The following MITF variants were observed in gnomAD, a reference collection of about 807,000 sequenced individuals.
The protein encoded by MITF is microphthalmia-associated transcription factor.
In MITF, 17 loss-of-function variants were observed where a neutral mutation model predicts 60.5. The ratio of observed to expected loss-of-function variants is 0.28; its 90% CI spans 0.19 to 0.42. The LOEUF (loss-of-function observed/expected upper bound fraction) is 0.42, where lower values mean the gene tolerates loss of function less well. Among genes scored for constraint, MITF ranks in the 10% least tolerant of loss-of-function variants. MITF has a pLI of 1.00. For missense variants in MITF, 622 were observed against 683.5 expected (o/e 0.91, Z 1.00); for synonymous variants, 260 against 248.5 (o/e 1.05, Z -0.43).
At position 69,826,729 on chromosome 3, in the gene MITF, C is replaced by G. The variant is rs544819376; in HGVS notation, c.105-52405C>G. 5.9e-5 allele frequency among the ~76,000 whole-genome samples: 9 copies of G among 152,300 alleles called. No individual in the cohort carries two copies. In the East Asian group the frequency reaches 1.7e-3, roughly 29 times the overall value. On this transcript the variant is annotated intron_variant, in intron 1 of 9. Coordinates refer to ENST00000352241, the MANE Select transcript of MITF (RefSeq NM_001354604.2). ...AAATAATGGAATAAAATGATGGATA[C>G]TGTGCACAGTGCTTGACACATAAGT...
intron 2 of MITF, among the ~76,000 whole-genome samples, chr3:69,933,106 G>A (rs889756566): frequency 1.3e-5 from 2 of 152,000 alleles, no homozygotes; most frequent in Non-Finnish European, 2.9e-5. Flanking sequence ...TTGAGCCCAG[G>A]AGTTCAAGGC....
rs569906894 is a variant in MITF, at chr3:69,959,189, A to G, written c.1032-84A>G. On this transcript the variant is annotated intron_variant, in intron 8 of 9. Transcript: ENST00000352241. ...ATAAAAAAAAATTTTAAAAAGTTCA[A>G]AAAGAAATGGAGTGCTTTGAATATT... The G allele has an allele frequency of 1.4e-5, 21 of 1,513,328 alleles. No individual in the cohort carries two copies. The East Asian group carries it at 5.0e-4, about 36-fold the overall frequency. The allele number at this position is 1,513,328 out of a possible 1,614,324, so 93.7% of individuals were successfully genotyped here.
rs1327092325 is a variant in MITF, at chr3:69,866,033, C to G, written c.105-13101C>G. Among the ~76,000 whole-genome samples the G allele has an allele frequency of 2.0e-5, 3 of 152,334 alleles. No homozygotes were observed. In the East Asian group the frequency reaches 5.8e-4, roughly 29 times the overall value. ...CTTGCCTGGCTGCTGGGCTGCCTCCCTGGCCGTGCCTGGGTCCTTGAGTAG... is the reference window on the plus strand; with the variant it reads ...CTTGCCTGGCTGCTGGGCTGCCTCCGTGGCCGTGCCTGGGTCCTTGAGTAG... On this transcript the variant is annotated intron_variant, in intron 1 of 9. Transcript: ENST00000352241.
At chr3:69,798,464 A>G (rs538889228) in intron 1 of MITF, among the ~76,000 whole-genome samples, 1 of 152,350 alleles carries the variant, frequency 6.6e-6, no homozygotes, top group South Asian at 2.1e-4. Context: ...AGCGCATAGC[A>G]TGGTTCCTGG....
chr3:69,849,272 A>T (rs1454899526), intron 1 of MITF, among the ~76,000 whole-genome samples: 2 of 152,144 alleles, frequency 1.3e-5, no homozygotes, highest in Non-Finnish European at 1.5e-5. Flanking sequence ...CCGGGCAAAG[A>T]TTCTTCTACA....
chr3:69,873,088 A>G (rs950462703), intron 1 of MITF, among the ~76,000 whole-genome samples: 2 of 152,182 alleles, frequency 1.3e-5, no homozygotes, highest in African/African-American at 4.8e-5. Flanking sequence ...GCAGATCTCC[A>G]TTCTTTTTCT....
chr3:69,875,466 C>A lies in MITF; in HGVS notation c.105-3668C>A, dbSNP rs555164613. Among the ~76,000 whole-genome samples, 3 of 152,286 alleles carry A rather than the reference C, an allele frequency of 2.0e-5. No individual in the cohort carries two copies. In the East Asian group the frequency reaches 5.8e-4, roughly 29 times the overall value. On this transcript the variant is annotated intron_variant, in intron 1 of 9. Transcript: ENST00000352241. ...AGGTATTCCCAGCACCTGGCAATAACTATTTGTTGAATAAATGACCTTTAC... is the reference window on the plus strand; with the variant it reads ...AGGTATTCCCAGCACCTGGCAATAAATATTTGTTGAATAAATGACCTTTAC...
At chr3:69,800,441 G>C in intron 1 of MITF, among the ~76,000 whole-genome samples, 2 of 152,176 alleles carry the variant, frequency 1.3e-5, no homozygotes, top group Middle Eastern at 3.4e-3. Context: ...CAGTTCTCTT[G>C]AGTATTTACC....
chr3:69,840,666 G>A (rs2063619749), intron 1 of MITF, among the ~76,000 whole-genome samples: 1 of 151,924 alleles, frequency 6.6e-6, no homozygotes, highest in African/African-American at 2.4e-5. Context: ...CAGCCTCTTT[G>A]GATTTTGTCC....
intron 1 of MITF, among the ~76,000 whole-genome samples, chr3:69,845,379 C>A (rs1371928995): frequency 6.7e-6 from 1 of 149,924 alleles, no homozygotes; most frequent in East Asian, 1.9e-4. Context: ...CTACTTGATT[C>A]TAGTACCATT....
At chr3:69,777,357 A>G (rs990816654) in intron 1 of MITF, among the ~76,000 whole-genome samples, 1 of 152,124 alleles carries the variant, frequency 6.6e-6, no homozygotes, top group African/African-American at 2.4e-5. Context: ...AACATTTTCC[A>G]CTTTAGTCAT....
In MITF at chr3:69,968,027, A is replaced by G; in HGVS notation, c.*2779A>G. The G allele has an allele frequency of 4.3e-6, 1 of 233,638 alleles. No homozygotes were observed. The highest frequency in any genetic ancestry group is 8.5e-6 in the Non-Finnish European group (1 of 117,976). The allele number at this position is 233,638 out of a possible 1,614,324, so 14.5% of individuals were successfully genotyped here. ...TGTTTTTAAACAATAAAGCAATAAG[A>G]ACAAATACAATACATAGGAAGTTAA... is the stretch of plus-strand genomic sequence containing the variant. On this transcript the variant is annotated 3_prime_UTR_variant, in exon 10 of 10. Coordinates refer to ENST00000352241, the MANE Select transcript of MITF (RefSeq NM_001354604.2).
At chr3:69,808,162 G>A (rs1393925257) in intron 1 of MITF, among the ~76,000 whole-genome samples, 2 of 148,614 alleles carry the variant, frequency 1.3e-5, no homozygotes. Context: ...AAATTAGAGT[G>A]TTCTGTTACA....
chr3:69,869,811 A>G (rs2064189094), intron 1 of MITF, among the ~76,000 whole-genome samples: 1 of 152,168 alleles, frequency 6.6e-6, no homozygotes, highest in African/African-American at 2.4e-5. Flanking sequence ...ATCTATAGGA[A>G]CTGCCTCCCC....
intron 1 of MITF, among the ~76,000 whole-genome samples, chr3:69,767,635 A>C (rs2062320262): frequency 6.6e-6 from 1 of 152,068 alleles, no homozygotes; most frequent in Non-Finnish European, 1.5e-5. Context: ...AATGATTGTC[A>C]AACAGATGAG....
intron 1 of MITF, among the ~76,000 whole-genome samples, chr3:69,749,055 A>T (rs910669112): frequency 6.6e-6 from 1 of 152,152 alleles, no homozygotes; most frequent in South Asian, 2.1e-4. Flanking sequence ...TATTTTTTAC[A>T]GTTGGAGATT....
intron 1 of MITF, among the ~76,000 whole-genome samples, chr3:69,838,140 A>G (rs1362872740): frequency 4.6e-5 from 7 of 152,230 alleles, no homozygotes; most frequent in Non-Finnish European, 1.0e-4. Flanking sequence ...GTAGAATTGA[A>G]TAGAAATGTT....
rs183891146 is a variant in MITF, at chr3:69,834,955, A to C, written c.105-44179A>C. On this transcript the variant is annotated intron_variant, in intron 1 of 9. Coordinates refer to ENST00000352241, the MANE Select transcript of MITF (RefSeq NM_001354604.2). ...ATTAGTGATGTTGAGTACTTTTTTCATATCTGTTGCCATGTGTATATTTTC... is the reference window on the plus strand; with the variant it reads ...ATTAGTGATGTTGAGTACTTTTTTCCTATCTGTTGCCATGTGTATATTTTC... Among the ~76,000 whole-genome samples, 399 of 128,250 alleles carry C rather than the reference A, an allele frequency of 3.1e-3. 1 individual carries two copies. Among genetic ancestry groups the C allele is most frequent in the Non-Finnish European group, 4.2e-3 (260 of 61,326 alleles). The allele number at this position is 128,250 out of a possible 152,430, so 84.1% of individuals were successfully genotyped here.
chr3:69,836,871 T>C (rs2063548957), intron 1 of MITF, among the ~76,000 whole-genome samples: 1 of 152,202 alleles, frequency 6.6e-6, no homozygotes, highest in African/African-American at 2.4e-5. Flanking sequence ...TCTGGGTCCC[T>C]GGAGGCCAGA....
Sources: gnomAD v4.1 joint callset for allele counts (sites outside exome capture counted in the v4.1 genomes callset) on GRCh38, gnomAD v4.1.1 for gene constraint, MANE v1.5 for transcripts, NCBI Gene and HGNC (gene_info 2026-07-23, HGNC 2026-07-21) for gene names.